The following MTOR variants were observed in gnomAD, a reference collection of about 807,000 sequenced individuals.
MTOR encodes serine/threonine-protein kinase mTOR.
MTOR carries 70 observed loss-of-function variants against 319.8 expected under a neutral mutation model. The observed-to-expected ratio is 0.22, with a 90% CI of 0.18 to 0.27. The LOEUF (loss-of-function observed/expected upper bound fraction) is 0.27, where lower values mean the gene tolerates loss of function less well. MTOR is among the 10% of genes least tolerant of loss of function. The probability of loss-of-function intolerance (pLI) is 1.00; values close to 1 mark genes in which losing one functional copy is unlikely to be tolerated. For missense variants in MTOR, 1,890 were observed against 3,274.4 expected (o/e 0.58, Z 10.32); for synonymous variants, 1,183 against 1,211.4 (o/e 0.98, Z 0.49).
At chr1:11,166,928 A>G (rs1644662503) in intron 29 of MTOR, among the ~76,000 whole-genome samples, 1 of 152,226 alleles carries the variant, frequency 6.6e-6, no homozygotes, top group African/African-American at 2.4e-5. Context: ...AAAAAGGATG[A>G]GTTCATGTCC....
chr1:11,108,124 C>CT (rs1425623669), intron 57 of MTOR, 57 bp downstream of exon 57: 15 of 1,428,050 alleles, frequency 1.1e-5, no homozygotes, highest in African/African-American at 1.4e-5. Context: ...GCTTTGGGGC[C>CT]TAGGCTTGGG....
chr1:11,217,377 T>C (rs1212855989), intron 19 of MTOR, among the ~76,000 whole-genome samples: 1 of 151,948 alleles, frequency 6.6e-6, no homozygotes, highest in East Asian at 1.9e-4. Flanking sequence ...GCAAATAATA[T>C]TTGACACCCC....
At chr1:11,240,091 A>G (rs1647807457) in intron 11 of MTOR, among the ~76,000 whole-genome samples, 1 of 152,152 alleles carries the variant, frequency 6.6e-6, no homozygotes, top group African/African-American at 2.4e-5. Context: ...CTTTCCCTCA[A>G]ACCATTTGCC....
chr1:11,222,467 G>A (rs943122420), intron 19 of MTOR, among the ~76,000 whole-genome samples: 1 of 152,090 alleles, frequency 6.6e-6, no homozygotes, highest in Admixed American at 6.5e-5. Context: ...AAAGTGCTGG[G>A]ATTACAGGCG....
intron 30 of MTOR, among the ~76,000 whole-genome samples, chr1:11,154,807 C>A (rs964998223): frequency 2.0e-5 from 3 of 151,836 alleles, no homozygotes; most frequent in African/African-American, 4.8e-5. Context: ...TGTGATCACA[C>A]CACTGTACTC....
At position 11,130,619 on chromosome 1, in the gene MTOR, A is replaced by C; in HGVS notation, c.5523T>G (p.Thr1841=). Residue 1841 remains threonine, a synonymous_variant, in exon 39 of 58, where the codon ACT becomes ACG. Coordinates refer to ENST00000361445, the MANE Select transcript of MTOR (RefSeq NM_004958.4). ...CACTGTTGCTGCCCTCGGTGCTGGC[A>C]GTGGTGGTGGCAGTGGCGGCCGTGG... ...AATTAATATT[T]ASTEGSNSES... The C allele has an allele frequency of 6.2e-7, 1 of 1,613,454 alleles. No homozygotes were observed. The highest frequency in any genetic ancestry group is 1.1e-5 in the South Asian group (1 of 90,994).
chr1:11,241,634 C>T lies in MTOR; in HGVS notation c.1460G>A (p.Ser487Asn), dbSNP rs2100915196. 1 of 1,614,018 alleles carries T rather than the reference C, an allele frequency of 6.2e-7. No individual in the cohort carries two copies. Among genetic ancestry groups the T allele is most frequent in the Non-Finnish European group, 8.5e-7 (1 of 1,179,904 alleles). Residue 487 changes from serine to asparagine, a missense_variant, in exon 10 of 58, where the codon AGC (serine) becomes AAC (asparagine). Ser to Asn is a conservative substitution (Grantham distance 46). Coordinates refer to ENST00000361445, the MANE Select transcript of MTOR (RefSeq NM_004958.4). ...TGGCCCCATTGCTCGAGCCAGCATG[C>T]TGATGCAAGTGAAGACTGTGGCATC... ...QVDATVFTCI[S>N]MLARAMGPGI... is the part of the protein sequence containing the mutation.
At position 11,228,918 on chromosome 1, in the gene MTOR, G is replaced by A. The variant is rs2100857069; in HGVS notation, c.2780C>T (p.Ser927Phe). 6.2e-7 allele frequency: 1 copy of A among 1,614,064 alleles called. No homozygotes were observed. Among genetic ancestry groups the A allele is most frequent in the South Asian group, 1.1e-5 (1 of 91,080 alleles). ...LSESKSSQDSSDYSTSEMLVN... is the reference protein window; with the variant it reads ...LSESKSSQDSFDYSTSEMLVN... Reference sequence around the variant, plus strand: ...CAGCATTTCACTAGTGCTATAGTCAGCTAGGACAAAACAACAGAGAGTGTT... The same window carrying A: ...CAGCATTTCACTAGTGCTATAGTCAACTAGGACAAAACAACAGAGAGTGTT... Residue 927 changes from serine (S) to phenylalanine (F), a missense_variant and splice_region_variant, in exon 19 of 58, where the codon TCT becomes TTT. Coordinates refer to ENST00000361445, the MANE Select transcript of MTOR (RefSeq NM_004958.4).
At chr1:11,189,924 G>A in intron 28 of MTOR, 2 of 1,613,410 alleles carry the variant, frequency 1.2e-6, no homozygotes, top group Non-Finnish European at 1.7e-6. Flanking sequence ...TGCAGCTGCA[G>A]GCAGCACAGA....
At chr1:11,150,030 G>A in intron 31 of MTOR, 96 bp downstream of exon 31, 1 of 1,043,396 alleles carries the variant, frequency 9.6e-7, no homozygotes, top group Admixed American at 1.9e-5. Context: ...CCATAGACCT[G>A]GATCTCCACC....
In MTOR at chr1:11,107,096, G is replaced by A. The variant is rs2100274675; in HGVS notation, c.*389C>T. 1.5e-6 allele frequency: 2 copies of A among 1,374,526 alleles called. No individual in the cohort carries two copies. The highest frequency in any genetic ancestry group is 6.8e-5 in the East Asian group (2 of 29,594). The allele number at this position is 1,374,526 out of a possible 1,614,324, so 85.1% of individuals were successfully genotyped here. On this transcript the variant is annotated 3_prime_UTR_variant, in exon 58 of 58. Transcript: ENST00000361445. ...ACCTGAGGCTTCTTGGCTGTGCTGA[G>A]TTTGCTGTACCCATGTTGAGAGGAG...
At position 11,212,257 on chromosome 1, in the gene MTOR, G is replaced by A; in HGVS notation, c.3561+55C>T. The A allele has an allele frequency of 6.5e-7, 1 of 1,550,144 alleles. No individual in the cohort carries two copies. Among genetic ancestry groups the A allele is most frequent in the South Asian group, 1.2e-5 (1 of 81,298 alleles). On this transcript the variant is annotated intron_variant, in intron 23 of 57. Coordinates refer to ENST00000361445, the MANE Select transcript of MTOR (RefSeq NM_004958.4). The surrounding 1 kb of genome is among the most constrained non-coding windows in gnomAD (Gnocchi z 4.1). ...AAAGTCTGAGTGGCTCACAGACAAA[G>A]TCTTCTTTCCAAATAAGGCAGAAGA...
Position 11,210,819 on chromosome 1 carries a change from C to G in MTOR, c.3649G>C (p.Val1217Leu), listed in dbSNP as rs1315147069. The change falls in exon 24 of 58, where the codon GTC (valine) becomes CTC (leucine). Residue 1217 changes from valine to leucine, a missense_variant. By Grantham distance (32) the Val-to-Leu change is conservative (BLOSUM62 1). Around this residue, in one of 15 missense-constraint regions of MTOR, gnomAD observed 115 missense variants for 105.7 expected, o/e 1.09. Transcript: ENST00000361445. ...QRYDVLICRI[V>L]KGYTLADEEE... Reference sequence around the variant, plus strand: ...AGAAAAGAAGTATAGTTCACCTTGACAATTCTGCAGATGAGCACATCATAG... The same window carrying G: ...AGAAAAGAAGTATAGTTCACCTTGAGAATTCTGCAGATGAGCACATCATAG... 3.1e-6 allele frequency: 5 copies of G among 1,608,612 alleles called. No homozygotes were observed. Among genetic ancestry groups the G allele is most frequent in the East Asian group, 2.2e-5 (1 of 44,836 alleles).
chr1:11,244,066 G>A (rs555360388), intron 8 of MTOR, among the ~76,000 whole-genome samples: 1 of 151,854 alleles, frequency 6.6e-6, no homozygotes. Flanking sequence ...ACCAAGGCAG[G>A]AGGATCACCT....
At chr1:11,141,879 T>A in intron 34 of MTOR, among the ~76,000 whole-genome samples, 1 of 150,656 alleles carries the variant, frequency 6.6e-6, no homozygotes, top group Admixed American at 6.6e-5. Context: ...TGGGCGCCTG[T>A]AGTCCCAGCT....
intron 9 of MTOR, among the ~76,000 whole-genome samples, chr1:11,242,734 G>A (rs773226801): frequency 2.8e-4 from 43 of 152,200 alleles, no homozygotes; most frequent in Non-Finnish European, 4.6e-4. Context: ...TTCAACTTCA[G>A]CGATGAGGAA....
rs898423564 is a variant in MTOR, at chr1:11,129,479, G to T, written c.5714+259C>A. 4.6e-5 allele frequency among the ~76,000 whole-genome samples: 7 copies of T among 152,250 alleles called. No homozygotes were observed. Among genetic ancestry groups the T allele is most frequent in the South Asian group, 2.1e-4 (1 of 4,834 alleles). On this transcript the variant is annotated intron_variant, in intron 40 of 57. Transcript: ENST00000361445. The surrounding 1 kb of genome is among the most constrained non-coding windows in gnomAD (Gnocchi z 4.7). ...AAAAGAAATATTGTGATTAACAGAT[G>T]GGTTAATAATCCCTCCATAATAAAC...
rs1770344 is a variant in MTOR at position 11,127,836 on chromosome 1, T to C, written c.6034-30A>G. On this transcript the variant is annotated intron_variant, in intron 43 of 57. Transcript: ENST00000361445. The surrounding 1 kb of genome is among the most constrained non-coding windows in gnomAD (Gnocchi z 5.5). Reference sequence around the variant, plus strand: ...AGCCAAGAGAAGAAGGAGAGAAGCATCAAGAATCAGCTAACCTCAGAAAGG... The same window carrying C: ...AGCCAAGAGAAGAAGGAGAGAAGCACCAAGAATCAGCTAACCTCAGAAAGG... The C allele has an allele frequency of 1, 1,599,470 of 1,601,148 alleles. 798,916 individuals carry two copies. The highest frequency in any genetic ancestry group is 1 in the East Asian group (44,782 of 44,782).
rs775920412 is a variant in MTOR, at chr1:11,127,618, C to A, written c.6216+6G>T. On this transcript the variant is annotated splice_donor_region_variant and intron_variant, in intron 44 of 57. Transcript: ENST00000361445. The surrounding 1 kb of genome is among the most constrained non-coding windows in gnomAD (Gnocchi z 5.5). ...GTTATGTCCTTTCGTGTTTTTTACCCCATACCTGATTAAAGGATGTTTCCT... is the reference window on the plus strand; with the variant it reads ...GTTATGTCCTTTCGTGTTTTTTACCACATACCTGATTAAAGGATGTTTCCT... The A allele has an allele frequency of 6.2e-7, 1 of 1,609,476 alleles. No individual in the cohort carries two copies. The highest frequency in any genetic ancestry group is 8.5e-7 in the Non-Finnish European group (1 of 1,178,004).
Sources: gnomAD v4.1 joint callset for allele counts (sites outside exome capture counted in the v4.1 genomes callset) on GRCh38, gnomAD v4.1.1 for gene constraint, gnomAD v4.1.1 regional missense constraint, Gnocchi (gnomAD v3.1) non-coding constraint, MANE v1.5 for transcripts, NCBI Gene and HGNC (gene_info 2026-07-23, HGNC 2026-07-21) for gene names.